The following PLCE1 variants were observed in gnomAD, a reference collection of about 807,000 sequenced individuals.
PLCE1 encodes 1-phosphatidylinositol 4,5-bisphosphate phosphodiesterase epsilon-1.
Under a neutral mutation model 242.8 loss-of-function variants are expected in PLCE1, and 119 were observed. That is an observed-to-expected ratio of 0.49 (90% CI 0.42 to 0.57). The LOEUF (loss-of-function observed/expected upper bound fraction) is 0.57. PLCE1 is among the 20% of genes least tolerant of loss of function. The pLI is 0.00. For synonymous variants in PLCE1, 945 were observed against 1,017.4 expected (o/e 0.93, Z 1.35); for missense variants, 2,441 against 2,788.8 (o/e 0.88, Z 2.81).
At chr10:94,241,950 G>C in intron 7 of PLCE1, among the ~76,000 whole-genome samples, 1 of 152,110 alleles carries the variant, frequency 6.6e-6, no homozygotes, top group East Asian at 1.9e-4. Flanking sequence ...CTTTCCAACT[G>C]TTATCTTATT....
rs1168087143 is a variant in PLCE1, at chr10:94,246,547, G to A, written c.3022G>A (p.Ala1008Thr). ...LFSGLLELTRAVRKMRKFPDQ... is the reference protein window; with the variant it reads ...LFSGLLELTRTVRKMRKFPDQ... ...CAGCGGATTATTGGAACTCACTAGA[G>A]CTGTGAGAAAGATGAGGAAATTCCC... Residue 1008 changes from alanine (A) to threonine (T), a missense_variant, in exon 8 of 33, where the codon GCT (alanine) becomes ACT (threonine). Ala to Thr is a moderately conservative substitution (Grantham distance 58). Transcript: ENST00000371380. 3 of 1,614,134 alleles carry A rather than the reference G, an allele frequency of 1.9e-6. No homozygotes were observed. The highest frequency in any genetic ancestry group is 8.5e-7 in the Non-Finnish European group (1 of 1,179,956).
intron 7 of PLCE1, among the ~76,000 whole-genome samples, chr10:94,241,076 T>C (rs921659406): frequency 6.6e-6 from 1 of 152,206 alleles, no homozygotes; most frequent in African/African-American, 2.4e-5. Flanking sequence ...CAAACAATTG[T>C]CAATTTTATT....
intron 17 of PLCE1, among the ~76,000 whole-genome samples, chr10:94,269,325 C>T (rs1463071069): frequency 6.6e-6 from 1 of 151,962 alleles, no homozygotes; most frequent in African/African-American, 2.4e-5. Context: ...TGGTCTCAAA[C>T]TCCTGACCTC....
At chr10:94,048,841 C>T (rs948543869) in intron 2 of PLCE1, among the ~76,000 whole-genome samples, 2 of 151,386 alleles carry the variant, frequency 1.3e-5, no homozygotes, top group African/African-American at 2.4e-5. Context: ...GATCTTGGCT[C>T]GCTACAGTAT....
intron 19 of PLCE1, among the ~76,000 whole-genome samples, chr10:94,274,897 C>T (rs2051887212): frequency 6.6e-6 from 1 of 152,118 alleles, no homozygotes; most frequent in African/African-American, 2.4e-5. Context: ...TATACTCTAC[C>T]TTGCCTTCCT....
chr10:94,064,702 A>C (rs1159056351), intron 2 of PLCE1, among the ~76,000 whole-genome samples: 1 of 152,178 alleles, frequency 6.6e-6, no homozygotes, highest in Non-Finnish European at 1.5e-5. Flanking sequence ...GGATTTGTTA[A>C]GATTAAATAA....
At chr10:94,327,756 T>G (rs1323173924) in intron 32 of PLCE1, among the ~76,000 whole-genome samples, 1 of 152,202 alleles carries the variant, frequency 6.6e-6, no homozygotes, top group Admixed American at 6.5e-5. Context: ...TTCTAAAGAA[T>G]GTGAAATATT....
chr10:94,288,186 G>T (rs575668956), intron 22 of PLCE1, among the ~76,000 whole-genome samples: 1 of 152,124 alleles, frequency 6.6e-6, no homozygotes, highest in African/African-American at 2.4e-5. Flanking sequence ...CACCCAAGTC[G>T]TGTAAGTCAT....
chr10:94,278,637 G>A (rs2052055942), intron 19 of PLCE1, among the ~76,000 whole-genome samples: 1 of 152,056 alleles, frequency 6.6e-6, no homozygotes. Flanking sequence ...ATTCTGAGAA[G>A]GGATCCTGTC....
intron 3 of PLCE1, among the ~76,000 whole-genome samples, chr10:94,146,840 G>A (rs1458478902): frequency 2.0e-5 from 3 of 152,186 alleles, no homozygotes; most frequent in Non-Finnish European, 4.4e-5. Flanking sequence ...CCTGTAATGT[G>A]TACCATACTA....
Position 94,246,341 on chromosome 10 carries a change from T to C in PLCE1, c.2816T>C (p.Phe939Ser). The change falls in exon 8 of 33, where the codon TTT becomes TCT. Residue 939 changes from phenylalanine (F) to serine (S), a missense_variant. Around this residue, in one of 5 missense-constraint regions of PLCE1, gnomAD observed 733 missense variants for 754.2 expected, o/e 0.97. Coordinates refer to ENST00000371380, the MANE Select transcript of PLCE1 (RefSeq NM_016341.4). ...SSLTEGVLDL[F>S]AVKAVYMGHP... The stretch of plus-strand genomic sequence containing the variant: ...CTGACGGAAGGGGTCTTGGATCTTT[T>C]TGCAGTGAAGGCTGTATACATGGGC... 2 of 1,614,190 alleles carry C rather than the reference T, an allele frequency of 1.2e-6. No homozygotes were observed. The highest frequency in any genetic ancestry group is 2.2e-5 in the East Asian group (1 of 44,888).
chr10:94,082,943 G>T (rs1249930695), intron 2 of PLCE1, among the ~76,000 whole-genome samples: 1 of 152,180 alleles, frequency 6.6e-6, no homozygotes, highest in South Asian at 2.1e-4. Context: ...AAAATACAGA[G>T]ATTTTTAGGT....
intron 4 of PLCE1, among the ~76,000 whole-genome samples, chr10:94,208,782 A>T (rs1434510832): frequency 6.6e-6 from 1 of 152,242 alleles, no homozygotes; most frequent in African/African-American, 2.4e-5. Flanking sequence ...TCTGAAACCA[A>T]GGTACATCTA....
At chr10:94,092,768 A>C (rs2045129944) in intron 2 of PLCE1, among the ~76,000 whole-genome samples, 1 of 152,218 alleles carries the variant, frequency 6.6e-6, no homozygotes, top group Non-Finnish European at 1.5e-5. Context: ...TTCACACATA[A>C]TTTAAGGAGC....
intron 2 of PLCE1, among the ~76,000 whole-genome samples, chr10:94,079,262 C>T (rs188846931): frequency 3.3e-5 from 5 of 152,218 alleles, no homozygotes; most frequent in African/African-American, 2.4e-5. Flanking sequence ...TCTGAGGTCA[C>T]GAAGCTCTCC....
intron 4 of PLCE1, among the ~76,000 whole-genome samples, chr10:94,196,126 T>A (rs2048813259): frequency 6.6e-6 from 1 of 152,156 alleles, no homozygotes; most frequent in Non-Finnish European, 1.5e-5. Context: ...AAGTCACCTA[T>A]TGCTATTATA....
chr10:94,324,796 TAG>T, intron 31 of PLCE1, 94 bp from the exon 32 acceptor site: 2 of 1,283,536 alleles, frequency 1.6e-6, no homozygotes, highest in Non-Finnish European at 2.2e-6. Flanking sequence ...TCCAAAGCTC[TAG>T]AGAGAAGAGG....
At chr10:94,271,949 G>A (rs1221185389) in intron 18 of PLCE1, among the ~76,000 whole-genome samples, 1 of 152,266 alleles carries the variant, frequency 6.6e-6, no homozygotes, top group East Asian at 1.9e-4. Context: ...ACAGGGAGTA[G>A]GTCACATGCT....
intron 7 of PLCE1, among the ~76,000 whole-genome samples, chr10:94,243,235 C>A (rs2050568398): frequency 6.6e-6 from 1 of 152,276 alleles, no homozygotes; most frequent in South Asian, 2.1e-4. Context: ...CTCCCCAAAC[C>A]CATAACCTGC....
Sources: allele counts gnomAD v4.1 joint callset (sites outside exome capture counted in the v4.1 genomes callset), GRCh38; gene constraint gnomAD v4.1.1; regional missense constraint gnomAD v4.1.1; transcripts MANE v1.5; gene names NCBI Gene and HGNC (gene_info 2026-07-23, HGNC 2026-07-21).